PSMD8: variants seen among roughly 807,000 people sequenced by gnomAD.
PSMD8 encodes the protein 26S proteasome non-ATPase regulatory subunit 8.
In PSMD8, 30 loss-of-function variants were observed where a neutral mutation model predicts 40.0. The ratio of observed to expected loss-of-function variants is 0.75; its 90% confidence interval spans 0.56 to 1.02. The LOEUF (loss-of-function observed/expected upper bound fraction) is 1.02, where lower values mean the gene tolerates loss of function less well. Among genes scored for constraint, PSMD8 ranks in the 50% least tolerant of loss-of-function variants. PSMD8 has a pLI of 0.00. For missense variants in PSMD8, 461 were observed against 463.9 expected, an observed-to-expected ratio of 0.99 and a Z score of 0.06; for synonymous variants, 208 against 192.5, an observed-to-expected ratio of 1.08 and a Z score of -0.67.
rs114722156 is a variant in PSMD8 at position 38,376,799 on chromosome 19, C to T, written c.536+345C>T. Among the ~76,000 whole-genome samples, 1,093 of 152,338 alleles carry T rather than the reference C, an allele frequency of 7.2e-3. 18 individuals carry two copies. The highest frequency in any genetic ancestry group is 0.025 in the African/African-American group (1,045 of 41,574). On this transcript the variant is annotated intron_variant, in intron 3 of 6. Coordinates refer to ENST00000215071, the MANE Select transcript of PSMD8 (RefSeq NM_002812.5). ...GACACTGTCCATACCCCGCTCAGAA[C>T]CTGCCGTGGCTCTTCATGGTCCTCA...
chr19:38,374,878 G>C lies in PSMD8; in HGVS notation c.277G>C (p.Gly93Arg). ...TSGAVLQAAT[G>R]MYEQLKGEWN... Reference sequence around the variant, plus strand: ...GGGCGCTGTTCTGCAGGCCGCGACCGGCATGTACGAGCAACTCAAGGGCGA... The same window carrying C: ...GGGCGCTGTTCTGCAGGCCGCGACCCGCATGTACGAGCAACTCAAGGGCGA... Residue 93 changes from glycine to arginine, a missense_variant, in exon 1 of 7, where the codon GGC becomes CGC. Gly to Arg is a moderately radical substitution (Grantham distance 125). Coordinates refer to ENST00000215071, the MANE Select transcript of PSMD8 (RefSeq NM_002812.5). The C allele has an allele frequency of 1.3e-6, 2 of 1,587,116 alleles. No homozygotes were observed. Among genetic ancestry groups the C allele is most frequent in the Non-Finnish European group, 1.7e-6 (2 of 1,174,666 alleles).
intron 6 of PSMD8, 59 bp from the exon 7 acceptor site, chr19:38,383,194 G>T: frequency 6.2e-7 from 1 of 1,603,048 alleles, no homozygotes; most frequent in Non-Finnish European, 8.5e-7. Flanking sequence ...TGGCCCCATA[G>T]GGTGGGGATG....
In PSMD8 at chr19:38,382,234, T is replaced by A. The variant is rs753877552; in HGVS notation, c.915+6T>A. ...TGACAGACTACGCCAAGAAGGTGGC[T>A]GGGGTACAGGGCAAGGGGCCGTGGG... On this transcript the variant is annotated splice_donor_region_variant and intron_variant, in intron 6 of 6. Coordinates refer to ENST00000215071, the MANE Select transcript of PSMD8 (RefSeq NM_002812.5). The A allele has an allele frequency of 1.6e-5, 26 of 1,578,138 alleles. No homozygotes were observed. Among genetic ancestry groups the A allele is most frequent in the Non-Finnish European group, 2.2e-5 (25 of 1,161,988 alleles).
chr19:38,376,451 A>G lies in PSMD8; in HGVS notation c.533A>G (p.Tyr178Cys), dbSNP rs749226477. The G allele has an allele frequency of 6.5e-7, 1 of 1,549,324 alleles. No individual in the cohort carries two copies. The highest frequency in any genetic ancestry group is 8.7e-7 in the Non-Finnish European group (1 of 1,144,744). ...CAGCTCAAATGCTACTACTTTGATT[A>G]CAAGTGAGAATGGGCCCTGCCCCCA... The part of the protein sequence containing the change: ...MAQLKCYYFD[Y>C]KEQLPESAYM... The change falls in exon 3 of 7, where the codon TAC (tyrosine) becomes TGC (cysteine). Residue 178 changes from tyrosine (Y) to cysteine (C), a missense_variant. Transcript: ENST00000215071.
chr19:38,381,126 A>C (rs1430075167), intron 5 of PSMD8, 127 bp downstream of exon 5: 1 of 687,864 alleles, frequency 1.5e-6, no homozygotes, highest in African/African-American at 1.8e-5. Flanking sequence ...TTATCCTCCT[A>C]GCACCTCAGC....
chr19:38,383,462 A>G lies in PSMD8; in HGVS notation c.*72A>G. 1 of 1,581,750 alleles carries G rather than the reference A, an allele frequency of 6.3e-7. No homozygotes were observed. Among genetic ancestry groups the G allele is most frequent in the Non-Finnish European group, 8.7e-7 (1 of 1,155,104 alleles). On this transcript the variant is annotated 3_prime_UTR_variant, in exon 7 of 7. Transcript: ENST00000215071. Reference sequence around the variant, plus strand: ...TTACACTGCAGGGTTTCGCCCAATAAAGGTGGACTGACATTCCCTCTTCCA... The same window carrying G: ...TTACACTGCAGGGTTTCGCCCAATAGAGGTGGACTGACATTCCCTCTTCCA...
In PSMD8 at chr19:38,382,216, C is replaced by T. The variant is rs910339853; in HGVS notation, c.903C>T (p.Asp301=). The change falls in exon 6 of 7, where the codon GAC becomes GAT. Residue 301 remains aspartate (D), a synonymous_variant. Coordinates refer to ENST00000215071, the MANE Select transcript of PSMD8 (RefSeq NM_002812.5). The part of the protein sequence containing the change: ...LFFNTPKKMT[D]YAKKRGWVLG... ...TCAACACACCCAAAAAGATGACAGA[C>T]TACGCCAAGAAGGTGGCTGGGGTAC... 2.5e-6 allele frequency: 4 copies of T among 1,590,800 alleles called. No homozygotes were observed. In the African/African-American group the frequency reaches 4.0e-5, roughly 16 times the overall value.
rs1458491125 is a variant in PSMD8 at position 38,376,437 on chromosome 19, C to G, written c.519C>G (p.Cys173Trp). ...AGCGCTACATGGCCCAGCTCAAATGCTACTACTTTGATTACAAGTGAGAAT... is the reference window on the plus strand; with the variant it reads ...AGCGCTACATGGCCCAGCTCAAATGGTACTACTTTGATTACAAGTGAGAAT... ...SFERYMAQLK[C>W]YYFDYKEQLP... Residue 173 changes from cysteine to tryptophan, a missense_variant, in exon 3 of 7, where the codon TGC becomes TGG. Around this residue, in one of 2 missense-constraint regions of PSMD8, gnomAD observed 236 missense variants for 321.2 expected, o/e 0.73. Transcript: ENST00000215071. The G allele has an allele frequency of 6.4e-7, 1 of 1,551,356 alleles. No homozygotes were observed. Among genetic ancestry groups the G allele is most frequent in the East Asian group, 2.4e-5 (1 of 40,930 alleles).
At chr19:38,375,032 C>G in intron 1 of PSMD8, 71 bp downstream of exon 1, 2 of 1,520,306 alleles carry the variant, frequency 1.3e-6, no homozygotes, top group African/African-American at 2.8e-5. Context: ...TGGACCCAAC[C>G]AAGTCCCGGG....
At chr19:38,379,154 G>A (rs183968792) in intron 3 of PSMD8, 86 bp from the exon 4 acceptor site, 84 of 1,369,312 alleles carry the variant, frequency 6.1e-5, no homozygotes, top group African/African-American at 7.2e-5. Flanking sequence ...TGCATGGGGC[G>A]TTGTGAGGAT....
chr19:38,378,599 G>A (rs1404543778), intron 3 of PSMD8, among the ~76,000 whole-genome samples: 3 of 151,068 alleles, frequency 2.0e-5, no homozygotes, highest in African/African-American at 7.3e-5. Flanking sequence ...TGGCTTGAGC[G>A]TGGGAAGTTG....
In PSMD8 at chr19:38,383,549, G is replaced by C; in HGVS notation, c.*159G>C. The C allele has an allele frequency of 9.9e-7, 1 of 1,010,856 alleles. No individual in the cohort carries two copies. The highest frequency in any genetic ancestry group is 1.4e-6 in the Non-Finnish European group (1 of 697,656). The allele number at this position is 1,010,856 out of a possible 1,614,324, so 62.6% of individuals were successfully genotyped here. On this transcript the variant is annotated 3_prime_UTR_variant, in exon 7 of 7. Coordinates refer to ENST00000215071, the MANE Select transcript of PSMD8 (RefSeq NM_002812.5). ...AGTTCTTATATCTGAAGAACTTGGAGGTTTTGGGGCATTCAGGAGTTGGAG... is the reference window on the plus strand; with the variant it reads ...AGTTCTTATATCTGAAGAACTTGGACGTTTTGGGGCATTCAGGAGTTGGAG...
At chr19:38,381,203 G>A in intron 5 of PSMD8, 1 of 520,156 alleles carries the variant, frequency 1.9e-6, no homozygotes, top group Non-Finnish European at 3.4e-6. Flanking sequence ...CACCACCCTT[G>A]GCTGTTGACA....
intron 2 of PSMD8, 27 bp downstream of exon 2, chr19:38,376,259 G>A: frequency 1.3e-6 from 2 of 1,572,918 alleles, no homozygotes; most frequent in Non-Finnish European, 1.7e-6. Flanking sequence ...TTGGTTGGGG[G>A]TGATAATCTG....
At chr19:38,379,518 A>T in intron 4 of PSMD8, 113 bp downstream of exon 4, 1 of 1,176,036 alleles carries the variant, frequency 8.5e-7, no homozygotes, top group Non-Finnish European at 1.2e-6. Flanking sequence ...CCACCCACGG[A>T]CCCATCCTCT....
At chr19:38,383,171 C>T (rs950748956) in intron 6 of PSMD8, 82 bp from the exon 7 acceptor site, 12 of 1,557,906 alleles carry the variant, frequency 7.7e-6, no homozygotes, top group South Asian at 3.4e-5. Flanking sequence ...GCATAGGACA[C>T]GTGGGCAAGT....
At chr19:38,380,749 C>T in intron 4 of PSMD8, 150 bp from the exon 5 acceptor site, 2 of 534,946 alleles carry the variant, frequency 3.7e-6, no homozygotes, top group Non-Finnish European at 6.5e-6. Flanking sequence ...CCAGCAAGGG[C>T]TTTCTGGAAG....
rs1315247563 is a variant in PSMD8 at position 38,376,399 on chromosome 19, A to G, written c.481A>G (p.Ile161Val). 1 of 1,552,636 alleles carries G rather than the reference A, an allele frequency of 6.4e-7. No individual in the cohort carries two copies. The highest frequency in any genetic ancestry group is 8.7e-7 in the Non-Finnish European group (1 of 1,147,468). The change falls in exon 3 of 7, where the codon ATC becomes GTC. Residue 161 changes from isoleucine to valine, a missense_variant. By Grantham distance (29) the Ile-to-Val change is conservative (BLOSUM62 3). Around this residue, in one of 2 missense-constraint regions of PSMD8, gnomAD observed 236 missense variants for 321.2 expected, o/e 0.73. Transcript: ENST00000215071. Reference sequence around the variant, plus strand: ...CCAATGGAGCATCCTACGCAAGGACATCCCCTCCTTCGAGCGCTACATGGC... The same window carrying G: ...CCAATGGAGCATCCTACGCAAGGACGTCCCCTCCTTCGAGCGCTACATGGC... ...GAQWSILRKD[I>V]PSFERYMAQL...
rs945227657 is a variant in PSMD8, at chr19:38,383,620, G to C, written c.*230G>C. Reference sequence around the variant, plus strand: ...CCTCTGTCTGGTGGGCATTGCTCAGGGTCTCAAACATGGACGCCCACTGTG... The same window carrying C: ...CCTCTGTCTGGTGGGCATTGCTCAGCGTCTCAAACATGGACGCCCACTGTG... On this transcript the variant is annotated 3_prime_UTR_variant, in exon 7 of 7. Transcript: ENST00000215071. 3.4e-6 allele frequency: 2 copies of C among 591,576 alleles called. No individual in the cohort carries two copies. The highest frequency in any genetic ancestry group is 2.0e-5 in the South Asian group (1 of 48,834). The allele number at this position is 591,576 out of a possible 1,614,324, so 36.6% of individuals were successfully genotyped here.
Sources: gnomAD v4.1 joint callset for allele counts (sites outside exome capture counted in the v4.1 genomes callset) on GRCh38, gnomAD v4.1.1 for gene constraint, gnomAD v4.1.1 regional missense constraint, MANE v1.5 for transcripts, NCBI Gene and HGNC (gene_info 2026-07-23, HGNC 2026-07-21) for gene names.